The following SEMA3A variants were observed in gnomAD, a reference collection of about 807,000 sequenced individuals.
The protein encoded by SEMA3A is semaphorin 3A.
SEMA3A carries 29 observed loss-of-function variants against 97.9 expected under a neutral mutation model. The ratio of observed to expected loss-of-function variants is 0.30; its 90% CI spans 0.22 to 0.40. The LOEUF (loss-of-function observed/expected upper bound fraction) is 0.40. Among genes scored for constraint, SEMA3A ranks in the 10% least tolerant of loss-of-function variants. The pLI, the probability that SEMA3A is intolerant of heterozygous loss-of-function variation, is 1.00. For missense variants in SEMA3A, 763 were observed against 951.3 expected (o/e 0.80, Z 2.60); for synonymous variants, 321 against 323.7 (o/e 0.99, Z 0.09).
chr7:84,042,730 T>A (rs909002194), intron 6 of SEMA3A, among the ~76,000 whole-genome samples: 2 of 152,036 alleles, frequency 1.3e-5, no homozygotes, highest in Non-Finnish European at 2.9e-5. Context: ...CTAAAGATAG[T>A]CTTTCTTCCA....
chr7:84,027,420 T>G (rs2116455675), intron 6 of SEMA3A, among the ~76,000 whole-genome samples: 1 of 152,360 alleles, frequency 6.6e-6, no homozygotes, highest in Non-Finnish European at 1.5e-5. Context: ...TTCTGCATTT[T>G]TATAATACAG....
intron 12 of SEMA3A, among the ~76,000 whole-genome samples, chr7:84,001,686 T>C (rs1584531314): frequency 7.2e-6 from 1 of 139,462 alleles, no homozygotes; most frequent in Admixed American, 7.3e-5. Context: ...ACTTAAATAA[T>C]ATAAAATGTA....
chr7:84,463,140 C>G (rs928584088), intron 1 of SEMA3A, among the ~76,000 whole-genome samples: 2 of 151,588 alleles, frequency 1.3e-5, no homozygotes, highest in African/African-American at 4.9e-5. Context: ...TCTCTTTCCT[C>G]AGCACTCAGA....
intron 3 of SEMA3A, among the ~76,000 whole-genome samples, chr7:84,282,480 GT>G (rs1163755111): frequency 2.6e-5 from 4 of 151,884 alleles, no homozygotes; most frequent in Admixed American, 1.3e-4. Context: ...TATCTTTACT[GT>G]TTCCCCCATT....
chr7:84,172,587 C>A (rs144641591), intron 1 of SEMA3A, among the ~76,000 whole-genome samples: 5,011 of 151,702 alleles, frequency 0.033, 268 homozygotes, highest in African/African-American at 0.11. Context: ...ACGCCCGGCT[C>A]ATTTTTTGTA....
In SEMA3A at chr7:84,062,577, C is replaced by T. The variant is rs1244604182; in HGVS notation, c.454-2019G>A. Among the ~76,000 whole-genome samples the T allele has an allele frequency of 4.6e-5, 7 of 152,166 alleles. No individual in the cohort carries two copies. The East Asian group carries it at 1.2e-3, about 25-fold the overall frequency. Reference sequence around the variant, plus strand: ...GTGGGTGCGCGCACCACGCGCGAGCCGAAGCAGGGCGAGGCATTGCCTCAC... The same window carrying T: ...GTGGGTGCGCGCACCACGCGCGAGCTGAAGCAGGGCGAGGCATTGCCTCAC... On this transcript the variant is annotated intron_variant, in intron 4 of 16. Transcript: ENST00000265362.
chr7:83,990,396 G>A (rs1789852679), intron 12 of SEMA3A, among the ~76,000 whole-genome samples: 1 of 150,464 alleles, frequency 6.6e-6, no homozygotes, highest in Admixed American at 6.6e-5. Context: ...CCTTGCCCAT[G>A]CCTATGTCCT....
chr7:84,276,442 A>G (rs1257565618), intron 3 of SEMA3A, among the ~76,000 whole-genome samples: 2 of 152,092 alleles, frequency 1.3e-5, no homozygotes, highest in Non-Finnish European at 2.9e-5. Flanking sequence ...TTCTTCAAAT[A>G]GGTTGTTAAT....
chr7:83,973,489 G>A (rs1383435078), intron 15 of SEMA3A, among the ~76,000 whole-genome samples: 1 of 151,896 alleles, frequency 6.6e-6, no homozygotes, highest in African/African-American at 2.4e-5. Flanking sequence ...TTACTTTTAG[G>A]GCTGACATCA....
chr7:84,055,097 C>T (rs1792896280), intron 5 of SEMA3A, among the ~76,000 whole-genome samples: 1 of 151,996 alleles, frequency 6.6e-6, no homozygotes, highest in South Asian at 2.1e-4. Flanking sequence ...AGAACCACTG[C>T]TCTCTTCAAA....
intron 3 of SEMA3A, among the ~76,000 whole-genome samples, chr7:84,113,257 T>G (rs748372541): frequency 6.6e-6 from 1 of 152,172 alleles, no homozygotes; most frequent in African/African-American, 2.4e-5. Context: ...AAGCAAAAAT[T>G]TGACAGAGAC....
chr7:84,063,147 A>C (rs200018704), intron 4 of SEMA3A, among the ~76,000 whole-genome samples: 6,396 of 149,936 alleles, frequency 0.043, 234 homozygotes, highest in East Asian at 0.17. Flanking sequence ...AGGCACCCCC[A>C]AGCAGGGGCA....
chr7:83,985,302 A>G, intron 13 of SEMA3A, 134 bp downstream of exon 13: 1 of 630,768 alleles, frequency 1.6e-6, no homozygotes, highest in Non-Finnish European at 2.7e-6. Flanking sequence ...TTATTGTAAG[A>G]ATGATATTTG....
intron 1 of SEMA3A, among the ~76,000 whole-genome samples, chr7:84,445,367 A>T (rs542299244): frequency 1.3e-3 from 194 of 151,418 alleles, no homozygotes; most frequent in Non-Finnish European, 2.6e-3. Context: ...GGTGGTGTGC[A>T]CCTGTAGTCC....
chr7:84,359,674 CCT>C (rs1802660084), intron 2 of SEMA3A, among the ~76,000 whole-genome samples: 1 of 152,184 alleles, frequency 6.6e-6, no homozygotes, highest in Non-Finnish European at 1.5e-5. Context: ...GGGAGGATTC[CCT>C]CTTTTTCTAT....
chr7:83,975,765 G>A (rs931771075), intron 15 of SEMA3A, among the ~76,000 whole-genome samples: 1 of 152,120 alleles, frequency 6.6e-6, no homozygotes, highest in Admixed American at 6.6e-5. Flanking sequence ...ATTATTTAGT[G>A]TAATGAATTA....
intron 3 of SEMA3A, among the ~76,000 whole-genome samples, chr7:84,306,839 A>G (rs1205199274): frequency 1.3e-5 from 2 of 152,154 alleles, no homozygotes; most frequent in Non-Finnish European, 2.9e-5. Context: ...GGAGCAGGTT[A>G]GCCAAAATAT....
At chr7:84,466,858 C>T (rs1047711537) in intron 1 of SEMA3A, among the ~76,000 whole-genome samples, 9 of 152,140 alleles carry the variant, frequency 5.9e-5, no homozygotes, top group Admixed American at 3.9e-4. Context: ...ACCACTTTAT[C>T]CCTCACTTTA....
At chr7:84,402,841 T>G (rs554725435) in intron 1 of SEMA3A, among the ~76,000 whole-genome samples, 1 of 152,294 alleles carries the variant, frequency 6.6e-6, no homozygotes, top group South Asian at 2.1e-4. Context: ...CACGTTCTCA[T>G]TCATGTCTGG....
Sources: gnomAD v4.1 joint callset for allele counts (sites outside exome capture counted in the v4.1 genomes callset) on GRCh38, gnomAD v4.1.1 for gene constraint, MANE v1.5 for transcripts, NCBI Gene and HGNC (gene_info 2026-07-23, HGNC 2026-07-21) for gene names.